COL13A1: variants seen among roughly 807,000 people sequenced by gnomAD.
The protein encoded by COL13A1 is collagen alpha-1(XIII) chain.
COL13A1 carries 89 observed loss-of-function variants against 130.9 expected under a neutral mutation model. That is an observed-to-expected ratio of 0.68 (90% CI 0.57 to 0.81). The LOEUF is 0.81. Ranked by LOEUF, COL13A1 falls within the 30% of genes least tolerant of loss-of-function variation. The probability of loss-of-function intolerance (pLI) is 0.00; values close to 1 mark genes in which losing one functional copy is unlikely to be tolerated. For synonymous variants in COL13A1, 402 were observed against 341.6 expected, an observed-to-expected ratio of 1.18 and a Z score of -1.95; for missense variants, 879 against 934.6, an observed-to-expected ratio of 0.94 and a Z score of 0.78.
At chr10:69,844,367 C>T (rs746837838) in intron 2 of COL13A1, among the ~76,000 whole-genome samples, 22 of 152,184 alleles carry the variant, frequency 1.4e-4, no homozygotes, top group Non-Finnish European at 1.5e-4. Flanking sequence ...GTTATCTGAC[C>T]TGCCTATGCC....
chr10:69,937,824 G>A, intron 34 of COL13A1, 109 bp downstream of exon 34: 1 of 637,352 alleles, frequency 1.6e-6, no homozygotes, highest in Middle Eastern at 3.3e-4. Flanking sequence ...TGAGCATCCA[G>A]AGTTCCATGT....
At chr10:69,923,506 A>G (rs2064951107) in intron 23 of COL13A1, among the ~76,000 whole-genome samples, 1 of 152,350 alleles carries the variant, frequency 6.6e-6, no homozygotes, top group East Asian at 1.9e-4. Flanking sequence ...TCCACCTGCC[A>G]TGGGCTGGGC....
chr10:69,944,036 G>A, intron 35 of COL13A1, 89 bp from the exon 36 acceptor site: 2 of 1,091,442 alleles, frequency 1.8e-6, no homozygotes, highest in Non-Finnish European at 2.8e-6. Flanking sequence ...CTGGGCCTTG[G>A]ACCTTGCTCA....
At chr10:69,949,832 T>G (rs1295975854) in intron 38 of COL13A1, among the ~76,000 whole-genome samples, 1 of 150,868 alleles carries the variant, frequency 6.6e-6, no homozygotes, top group Non-Finnish European at 1.5e-5. Context: ...TGGAGCTGCC[T>G]GCAAACCAGC....
At position 69,949,930 on chromosome 10, in the gene COL13A1, T is replaced by TCG. The variant is rs750369159; in HGVS notation, c.2058+2588_2058+2589insCG. 8.5e-3 allele frequency among the ~76,000 whole-genome samples: 727 copies of TCG among 85,156 alleles called. 5 individuals are homozygous for TCG. The highest frequency in any genetic ancestry group is 0.042 in the South Asian group (114 of 2,706). The allele number at this position is 85,156 out of a possible 152,430, so 55.9% of individuals were successfully genotyped here. A position where few individuals can be genotyped will look rare whatever the true frequency, so the allele number is the denominator to read the frequency against. On this transcript the variant is annotated intron_variant, in intron 38 of 40. Transcript: ENST00000645393. ...GGGGGGGTGGGGGGTGCACGCATGT[T>TCG]TGTGTGTGTGTGTGTGTGCGTGTGT...
At position 69,841,857 on chromosome 10, in the gene COL13A1, G is replaced by A. The variant is rs1268583251; in HGVS notation, c.364+19419G>A. Among the ~76,000 whole-genome samples the A allele has an allele frequency of 3.3e-5, 5 of 152,250 alleles. No individual in the cohort carries two copies. The East Asian group carries it at 5.8e-4, about 18-fold the overall frequency. ...AAGGGAGGATGAGGAACTGAGGCAG[G>A]AGCAGTGTGGCCTGGGCAGGGAGCT... On this transcript the variant is annotated intron_variant, in intron 2 of 40. Transcript: ENST00000645393.
intron 34 of COL13A1, among the ~76,000 whole-genome samples, chr10:69,940,506 C>G (rs965171004): frequency 6.6e-6 from 1 of 152,174 alleles, no homozygotes; most frequent in Non-Finnish European, 1.5e-5. Context: ...CTCAGGGGCA[C>G]CCCAGCATGG....
intron 2 of COL13A1, chr10:69,824,082 CA>C (rs765960866): frequency 2.1e-6 from 1 of 471,940 alleles, no homozygotes; most frequent in Admixed American, 2.4e-5. Flanking sequence ...ATTCCATCTC[CA>C]ACATGGACCA....
chr10:69,917,650 T>C (rs2064092548), intron 18 of COL13A1, among the ~76,000 whole-genome samples: 3 of 151,264 alleles, frequency 2.0e-5, no homozygotes. Flanking sequence ...ACTTTGGGCA[T>C]CATCTATCTC....
chr10:69,877,699 TCACACACACACACACACA>T (rs10532425), intron 5 of COL13A1: 24 of 86,792 alleles, frequency 2.8e-4, no homozygotes, highest in South Asian at 5.0e-4. Flanking sequence ...TCTCTCTCTC[TCACACACACACACACACA>T]CACACACACA....
intron 16 of COL13A1, 86 bp from the exon 17 acceptor site, chr10:69,905,701 G>A: frequency 6.8e-7 from 1 of 1,464,316 alleles, no homozygotes; most frequent in Non-Finnish European, 9.4e-7. Context: ...TCGAGAGGAA[G>A]AGGGATGGTA....
chr10:69,941,614 C>T (rs550913146), intron 35 of COL13A1, among the ~76,000 whole-genome samples: 10 of 152,176 alleles, frequency 6.6e-5, no homozygotes, highest in Admixed American at 5.9e-4. Flanking sequence ...ACAGCACAGT[C>T]GCCCTGCAAC....
At chr10:69,937,940 G>A (rs1202643721) in intron 34 of COL13A1, among the ~76,000 whole-genome samples, 1 of 152,216 alleles carries the variant, frequency 6.6e-6, no homozygotes, top group African/African-American at 2.4e-5. Flanking sequence ...AAGAAGACAG[G>A]CTCCCCCACC....
At chr10:69,819,029 A>G (rs546850971) in intron 1 of COL13A1, among the ~76,000 whole-genome samples, 1 of 152,356 alleles carries the variant, frequency 6.6e-6, no homozygotes, top group African/African-American at 2.4e-5. Flanking sequence ...TGCTTCTCCC[A>G]CACCAAGCTC....
At position 69,945,711 on chromosome 10, in the gene COL13A1, C is replaced by A. The variant is rs763924925; in HGVS notation, c.2009C>A (p.Ala670Glu). 4.3e-6 allele frequency: 7 copies of A among 1,612,672 alleles called. No individual in the cohort carries two copies. In the South Asian group the frequency reaches 6.6e-5, roughly 15 times the overall value. ...GDPGMTGPTG[A>E]AGLPGLHGPP... ...CCTGGGATGACAGGACCAACGGGAG[C>A]AGCTGGGCTTCCTGTGAGTCTCTTG... is the stretch of plus-strand genomic sequence containing the variant. The change falls in exon 37 of 41, where the codon GCA becomes GAA. Residue 670 changes from alanine to glutamate, a missense_variant. Ala to Glu is a moderately radical substitution (Grantham distance 107). Transcript: ENST00000645393.
At chr10:69,926,292 A>G (rs1311207957) in intron 26 of COL13A1, among the ~76,000 whole-genome samples, 1 of 152,174 alleles carries the variant, frequency 6.6e-6, no homozygotes, top group African/African-American at 2.4e-5. Context: ...ACCCTGTTTC[A>G]AGTTCATGAG....
intron 24 of COL13A1, among the ~76,000 whole-genome samples, chr10:69,924,199 GA>G (rs1214851957): frequency 6.6e-6 from 1 of 152,234 alleles, no homozygotes; most frequent in Admixed American, 6.5e-5. Context: ...CAGTGGAGGA[GA>G]AAGAGAGTGG....
intron 3 of COL13A1, among the ~76,000 whole-genome samples, chr10:69,868,214 C>T (rs2704525): frequency 0.9 from 136,516 of 151,914 alleles, 62,473 homozygotes; most frequent in East Asian, 1. Flanking sequence ...AACAGGTCAT[C>T]GAGCTGGCTG....
At chr10:69,893,788 GT>G (rs2061403992) in intron 10 of COL13A1, among the ~76,000 whole-genome samples, 1 of 152,224 alleles carries the variant, frequency 6.6e-6, no homozygotes, top group Non-Finnish European at 1.5e-5. Flanking sequence ...GGGAGCTGGA[GT>G]GGACACAAGC....
Sources: gnomAD v4.1 joint callset for allele counts (sites outside exome capture counted in the v4.1 genomes callset) on GRCh38, gnomAD v4.1.1 for gene constraint, MANE v1.5 for transcripts, NCBI Gene and HGNC (gene_info 2026-07-23, HGNC 2026-07-21) for gene names.